KCTD14: variants seen among roughly 807,000 people sequenced by gnomAD.
KCTD14 encodes the protein BTB/POZ domain-containing protein KCTD14.
KCTD14 carries 7 observed loss-of-function variants against 5.9 expected under a neutral mutation model. That is an observed-to-expected ratio of 1.19 (90% CI 0.68 to 2.23). KCTD14 has a LOEUF of 2.23. Ranked by LOEUF, KCTD14 falls within the 30% of genes most tolerant of loss-of-function variation. The pLI, the probability that KCTD14 is intolerant of heterozygous loss-of-function variation, is 0.00. For missense variants in KCTD14, 342 were observed against 332.2 expected, an observed-to-expected ratio of 1.03 and a Z score of -0.23; for synonymous variants, 140 against 133.1, an observed-to-expected ratio of 1.05 and a Z score of -0.36.
At chr11:78,021,693 C>T (rs965807365) in intron 1 of KCTD14, among the ~76,000 whole-genome samples, 6 of 152,306 alleles carry the variant, frequency 3.9e-5, no homozygotes, top group African/African-American at 1.4e-4. Flanking sequence ...GCTGGAACTA[C>T]AGGCATGAGC....
chr11:78,029,701 A>G (rs1857562286), intron 2 of KCTD14, among the ~76,000 whole-genome samples: 1 of 152,202 alleles, frequency 6.6e-6, no homozygotes, highest in African/African-American at 2.4e-5. Flanking sequence ...AAGTTCAGCC[A>G]GAATAATTAT....
chr11:78,045,014 C>T (rs1448996699), intron 1 of KCTD14, among the ~76,000 whole-genome samples: 1 of 152,154 alleles, frequency 6.6e-6, no homozygotes, highest in East Asian at 1.9e-4. Context: ...TTTTCTCTTA[C>T]CAGTCAAGTG....
upstream of KCTD14, among the ~76,000 whole-genome samples, chr11:78,024,254 A>G (rs530705795): frequency 6.6e-6 from 1 of 151,908 alleles, no homozygotes; most frequent in African/African-American, 2.4e-5. Context: ...GTGTGATGGC[A>G]TGTGCCTGTA....
chr11:78,038,418 A>G (rs574741599), intron 2 of KCTD14, among the ~76,000 whole-genome samples: 3 of 152,296 alleles, frequency 2.0e-5, no homozygotes, highest in Non-Finnish European at 4.4e-5. Flanking sequence ...CGTGCAAACA[A>G]TTATTGTTTA....
chr11:78,035,844 C>CAAAAAAAA (rs559820760), intron 2 of KCTD14, among the ~76,000 whole-genome samples: 3 of 79,280 alleles, frequency 3.8e-5, no homozygotes, highest in Non-Finnish European at 6.6e-5. Flanking sequence ...GACTCCATCT[C>CAAAAAAAA]AAAAAAAAAA....
In KCTD14 at chr11:78,023,241, C is replaced by T. The variant is rs758312461; in HGVS notation, c.9G>A (p.Gln3=). 8 of 1,609,320 alleles carry T rather than the reference C, an allele frequency of 5.0e-6. No homozygotes were observed. In the South Asian group the frequency reaches 6.6e-5, roughly 13 times the overall value. The stretch of plus-strand genomic sequence containing the variant: ...CCACTGGCCGCTCCACTGCGCAGCC[C>T]TGCCACATGCAGATCACTTGGGCCA... The part of the protein sequence containing the change: MW[Q]GCAVERPVGR... Residue 3 remains glutamine, a synonymous_variant, in exon 1 of 2, where the codon CAG becomes CAA. Coordinates refer to ENST00000353172, the MANE Select transcript of KCTD14 (RefSeq NM_023930.4).
upstream of KCTD14, among the ~76,000 whole-genome samples, chr11:78,025,329 G>A (rs1857438068): frequency 6.6e-6 from 1 of 151,716 alleles, no homozygotes; most frequent in Non-Finnish European, 1.5e-5. Flanking sequence ...TGGGAGGCTA[G>A]GCCAGTCTCT....
At chr11:78,028,836 G>C (rs1344346646) in intron 2 of KCTD14, among the ~76,000 whole-genome samples, 1 of 152,076 alleles carries the variant, frequency 6.6e-6, no homozygotes, top group Non-Finnish European at 1.5e-5. Context: ...AGCTATTCGG[G>C]AGGGTAAAGT....
chr11:78,045,294 A>C (rs913227215), intron 1 of KCTD14, among the ~76,000 whole-genome samples: 3 of 152,172 alleles, frequency 2.0e-5, no homozygotes, highest in African/African-American at 7.2e-5. Context: ...TTGTAGAGAC[A>C]AGGTTTGCCA....
intron 1 of KCTD14, among the ~76,000 whole-genome samples, chr11:78,020,984 C>T (rs1857289438): frequency 6.6e-6 from 1 of 152,174 alleles, no homozygotes; most frequent in South Asian, 2.1e-4. Flanking sequence ...ATCAAATATC[C>T]TTTCTGAAGC....
intron 1 of KCTD14, among the ~76,000 whole-genome samples, chr11:78,022,640 C>T (rs1857336841): frequency 6.6e-6 from 1 of 152,088 alleles, no homozygotes; most frequent in Admixed American, 6.6e-5. Flanking sequence ...ACTCCCCTCA[C>T]CCAAGCTGGG....
At chr11:78,017,775 C>T (rs1300921216) in intron 1 of KCTD14, among the ~76,000 whole-genome samples, 1 of 152,110 alleles carries the variant, frequency 6.6e-6, no homozygotes. Context: ...AATACCCATT[C>T]AAGCATCTTA....
chr11:78,023,130 G>T (rs1444074384), intron 1 of KCTD14, 30 bp downstream of exon 1: 5 of 1,424,308 alleles, frequency 3.5e-6, no homozygotes, highest in Non-Finnish European at 4.8e-6. Context: ...GAGGACAGAG[G>T]CGCGGGGACG....
intron 1 of KCTD14, among the ~76,000 whole-genome samples, chr11:78,039,245 G>A (rs761252559): frequency 3.9e-5 from 6 of 151,970 alleles, no homozygotes; most frequent in Non-Finnish European, 8.8e-5. Flanking sequence ...GGCCAGGTGC[G>A]GCAGTTCATG....
intron 2 of KCTD14, among the ~76,000 whole-genome samples, chr11:78,033,916 C>CAT (rs1335541714): frequency 2.2e-5 from 3 of 134,110 alleles, no homozygotes; most frequent in Non-Finnish European, 1.5e-5. Context: ...TATATATATA[C>CAT]ACACATTATA....
chr11:78,022,645 G>C (rs557922222), intron 1 of KCTD14, among the ~76,000 whole-genome samples: 50 of 152,196 alleles, frequency 3.3e-4, no homozygotes, highest in African/African-American at 1.0e-3. Context: ...CCTCACCCAA[G>C]CTGGGGACCA....
At position 78,016,414 on chromosome 11, in the gene KCTD14, T is replaced by TTGCTA. The variant is rs1255422503; in HGVS notation, c.*178_*179insTAGCA. The stretch of plus-strand genomic sequence containing the variant: ...GCTGCAAGTTGCTAGGCAAATATAG[T>TTGCTA]GGCATCAGTTGCAATGGAGTGGAAA... On this transcript the variant is annotated 3_prime_UTR_variant, in exon 2 of 2. Transcript: ENST00000353172. 9 of 606,646 alleles carry TTGCTA rather than the reference T, an allele frequency of 1.5e-5. No individual in the cohort carries two copies. Among genetic ancestry groups the TTGCTA allele is most frequent in the Non-Finnish European group, 2.6e-5 (9 of 345,766 alleles). 37.6% of individuals were successfully genotyped at this position (606,646 alleles called of 1,614,324 possible).
At chr11:78,036,084 A>G (rs1208814625) in intron 2 of KCTD14, among the ~76,000 whole-genome samples, 2 of 152,100 alleles carry the variant, frequency 1.3e-5, no homozygotes, top group Non-Finnish European at 2.9e-5. Flanking sequence ...ACTTGAACCC[A>G]GGAGGAGGAG....
chr11:78,024,411 T>TAC (rs58091495), upstream of KCTD14, among the ~76,000 whole-genome samples: 1,073 of 116,762 alleles, frequency 9.2e-3, 2 homozygotes, highest in African/African-American at 0.014. Flanking sequence ...TATATATATA[T>TAC]ACACACACAC....
Sources: gnomAD v4.1 joint callset for allele counts (sites outside exome capture counted in the v4.1 genomes callset) on GRCh38, gnomAD v4.1.1 for gene constraint, MANE v1.5 for transcripts, NCBI Gene and HGNC (gene_info 2026-07-23, HGNC 2026-07-21) for gene names.